Variants in NUP88 observed in about 807,000 individuals in gnomAD.
The protein encoded by NUP88 is nucleoporin 88.
NUP88 carries 57 observed loss-of-function variants against 93.9 expected under a neutral mutation model. The observed-to-expected ratio is 0.61, with a 90% CI of 0.49 to 0.76. NUP88 has a LOEUF of 0.76. Ranked by LOEUF, NUP88 falls within the 30% of genes least tolerant of loss-of-function variation. The pLI, the probability that NUP88 is intolerant of heterozygous loss-of-function variation, is 0.00. For synonymous variants in NUP88, 346 were observed against 336.8 expected (o/e 1.03, Z -0.30); for missense variants, 911 against 901.0 (o/e 1.01, Z -0.14).
At chr17:5,395,223 T>C (rs1912698153) in intron 8 of NUP88, among the ~76,000 whole-genome samples, 1 of 152,340 alleles carries the variant, frequency 6.6e-6, no homozygotes, top group South Asian at 2.1e-4. Flanking sequence ...AGTGAAATCA[T>C]TCTCTTCTAG....
In NUP88 at chr17:5,386,180, C is replaced by T. The variant is rs1345155317; in HGVS notation, c.*26G>A. The T allele has an allele frequency of 1.3e-6, 2 of 1,582,978 alleles. No individual in the cohort carries two copies. Among genetic ancestry groups the T allele is most frequent in the African/African-American group, 1.4e-5 (1 of 74,046 alleles). ...TTTAAGCCTTCAATGGTGTTCAGTT[C>T]AGGTGTGAGTCAGCTCCTGGTGGTG... On this transcript the variant is annotated 3_prime_UTR_variant, in exon 17 of 17. Coordinates refer to ENST00000573584, the MANE Select transcript of NUP88 (RefSeq NM_002532.6).
intron 1 of NUP88, 145 bp from the exon 2 acceptor site, chr17:5,416,827 C>A: frequency 3.4e-6 from 2 of 584,482 alleles, no homozygotes; most frequent in Non-Finnish European, 5.2e-6. Context: ...ACCATTAACT[C>A]ACAAATTTTT....
intron 2 of NUP88, 61 bp downstream of exon 2, chr17:5,416,452 T>A: frequency 8.3e-7 from 1 of 1,207,254 alleles, no homozygotes; most frequent in Non-Finnish European, 1.2e-6. Flanking sequence ...TAAGAACCAC[T>A]AGTCTTGAAC....
chr17:5,388,943 G>A lies in NUP88; in HGVS notation c.1502C>T (p.Ala501Val), dbSNP rs544639385. ...TCGAGTACAAAGCAGGGGAGGAGAC[G>A]CTGGATGGACTGTACTTCTGCAAAA... Reference protein sequence around the residue: ...IWPLLSTVHPASPPLLCTRED... With the variant: ...IWPLLSTVHPVSPPLLCTRED... Residue 501 changes from alanine to valine, a missense_variant, in exon 11 of 17, where the codon GCG becomes GTG. Coordinates refer to ENST00000573584, the MANE Select transcript of NUP88 (RefSeq NM_002532.6). 30 of 1,611,038 alleles carry A rather than the reference G, an allele frequency of 1.9e-5. No homozygotes were observed. The East Asian group carries it at 2.7e-4, about 14-fold the overall frequency.
At chr17:5,412,656 A>AC (rs953881936) in intron 3 of NUP88, among the ~76,000 whole-genome samples, 2 of 150,198 alleles carry the variant, frequency 1.3e-5, no homozygotes, top group African/African-American at 2.5e-5. Flanking sequence ...ACACCACCCC[A>AC]CCCCCCCACA....
intron 9 of NUP88, among the ~76,000 whole-genome samples, chr17:5,393,050 T>C (rs1022763177): frequency 6.6e-6 from 1 of 151,822 alleles, no homozygotes; most frequent in Non-Finnish European, 1.5e-5. Flanking sequence ...CCTCCCAGGG[T>C]CATACGATTC....
At chr17:5,400,751 C>CT (rs978908975) in intron 7 of NUP88, among the ~76,000 whole-genome samples, 1 of 152,152 alleles carries the variant, frequency 6.6e-6, no homozygotes, top group Non-Finnish European at 1.5e-5. Flanking sequence ...TCACAAAAGA[C>CT]TTTAACACAA....
At chr17:5,408,594 C>A in intron 5 of NUP88, 139 bp downstream of exon 5, 1 of 612,390 alleles carries the variant, frequency 1.6e-6, no homozygotes, top group Non-Finnish European at 2.8e-6. Flanking sequence ...AACTCTTTCT[C>A]AAAAATATGC....
At chr17:5,391,971 C>T (rs1912466597) in intron 9 of NUP88, among the ~76,000 whole-genome samples, 1 of 124,368 alleles carries the variant, frequency 8.0e-6, no homozygotes. Context: ...TCTTTGTTTG[C>T]CTAGCCCAGT....
Position 5,404,008 on chromosome 17 carries a change from C to T in NUP88, c.1192+91G>A, listed in dbSNP as rs1295063278. The T allele has an allele frequency of 2.2e-5, 29 of 1,328,518 alleles. No individual in the cohort carries two copies. The South Asian group carries it at 4.2e-4, about 19-fold the overall frequency. The allele number at this position is 1,328,518 out of a possible 1,614,324, so 82.3% of individuals were successfully genotyped here. On this transcript the variant is annotated intron_variant, in intron 7 of 16. Coordinates refer to ENST00000573584, the MANE Select transcript of NUP88 (RefSeq NM_002532.6). ...CAGTCAACTTTTTAAAGGCTGGAAC[C>T]ACAGAACAAATACATTACATAGGAA...
chr17:5,416,402 G>T, intron 2 of NUP88, 111 bp downstream of exon 2: 1 of 667,096 alleles, frequency 1.5e-6, no homozygotes. Flanking sequence ...AGACCACGAG[G>T]AGTGTTTTAA....
At chr17:5,406,475 GTATATCAC>G (rs1208343696) in intron 5 of NUP88, among the ~76,000 whole-genome samples, 1 of 152,206 alleles carries the variant, frequency 6.6e-6, no homozygotes, top group Non-Finnish European at 1.5e-5. Context: ...CCGGGTAACA[GTATATCAC>G]TAGAGGTTTA....
At position 5,404,101 on chromosome 17, in the gene NUP88, C is replaced by G. The variant is rs779526039; in HGVS notation, c.1190G>C (p.Arg397Thr). 1 of 1,613,946 alleles carries G rather than the reference C, an allele frequency of 6.2e-7. No individual in the cohort carries two copies. Among genetic ancestry groups the G allele is most frequent in the Non-Finnish European group, 8.5e-7 (1 of 1,179,912 alleles). Residue 397 changes from arginine to threonine, a missense_variant and splice_region_variant, in exon 7 of 17, where the codon AGA (arginine) becomes ACA (threonine). By Grantham distance (71) the Arg-to-Thr change is moderately conservative. Transcript: ENST00000573584. ...SDFSCPVKLHRDPKCPSRYHC... is the reference protein window; with the variant it reads ...SDFSCPVKLHTDPKCPSRYHC... ...ACTACATTTATTGAAGAGCTTACCT[C>G]TATGAAGTTTGACTGGACAAGAAAA...
chr17:5,387,977 C>T, intron 11 of NUP88, 73 bp from the exon 12 acceptor site: 2 of 1,474,308 alleles, frequency 1.4e-6, no homozygotes, highest in East Asian at 2.3e-5. Flanking sequence ...ACTCAAGTCA[C>T]AGGTGCTTTT....
At chr17:5,394,062 A>G (rs187203739) in intron 9 of NUP88, among the ~76,000 whole-genome samples, 10 of 152,212 alleles carry the variant, frequency 6.6e-5, no homozygotes, top group Non-Finnish European at 1.3e-4. Flanking sequence ...GGACATCTGG[A>G]GTTTTATGTT....
intron 11 of NUP88, 88 bp from the exon 12 acceptor site, chr17:5,387,992 CTT>C: frequency 7.5e-7 from 1 of 1,328,732 alleles, no homozygotes; most frequent in South Asian, 1.5e-5. Context: ...GCTTTTTAAA[CTT>C]TTTATATTTT....
intron 6 of NUP88, 42 bp from the exon 7 acceptor site, chr17:5,404,288 T>C: frequency 6.2e-7 from 1 of 1,605,040 alleles, no homozygotes; most frequent in Non-Finnish European, 8.5e-7. Context: ...GCATGTTAAT[T>C]TGAAAATGTA....
chr17:5,410,687 T>G lies in NUP88; in HGVS notation c.680+16A>C, dbSNP rs373154729. The G allele has an allele frequency of 3.4e-6, 5 of 1,489,098 alleles. No individual in the cohort carries two copies. Among genetic ancestry groups the G allele is most frequent in the Non-Finnish European group, 4.6e-6 (5 of 1,080,914 alleles). The allele number at this position is 1,489,098 out of a possible 1,614,324, so 92.2% of individuals were successfully genotyped here. ...GCTAATTAAAAAACCATTTCAAGAC[T>G]CAAATAAAAACTTACCCTTTATTGA... On this transcript the variant is annotated intron_variant, in intron 4 of 16. Coordinates refer to ENST00000573584, the MANE Select transcript of NUP88 (RefSeq NM_002532.6).
Position 5,394,915 on chromosome 17 carries a change from AGGATG to A in NUP88, c.1353_1357del (p.Ile452LeufsTer21). 1 of 1,613,484 alleles carries A rather than the reference AGGATG, an allele frequency of 6.2e-7. No homozygotes were observed. Among genetic ancestry groups the A allele is most frequent in the Non-Finnish European group, 8.5e-7 (1 of 1,179,362 alleles). ...CCTGCAGGGCAATGGCTTCGTACAA[AGGATG>A]TGTTCAACAAAGCATTTCTGTTCTG... On this transcript the variant is annotated frameshift_variant, in exon 9 of 17. Transcript: ENST00000573584. LOFTEE classifies it high-confidence loss of function.
Sources: gnomAD v4.1 joint callset for allele counts (sites outside exome capture counted in the v4.1 genomes callset) on GRCh38, gnomAD v4.1.1 for gene constraint, MANE v1.5 for transcripts, NCBI Gene and HGNC (gene_info 2026-07-23, HGNC 2026-07-21) for gene names.